Variants in ZNF268 observed in about 807,000 individuals in gnomAD.
The protein encoded by ZNF268 is zinc finger protein 3.
In ZNF268, 20 loss-of-function variants were observed where a neutral mutation model predicts 29.3. The ratio of observed to expected loss-of-function variants is 0.68; its 90% CI spans 0.48 to 0.99. ZNF268 has a LOEUF of 0.99. ZNF268 is among the 50% of genes least tolerant of loss of function. The pLI, the probability that ZNF268 is intolerant of heterozygous loss-of-function variation, is 0.00. For synonymous variants in ZNF268, 429 were observed against 376.9 expected, an observed-to-expected ratio of 1.14 and a Z score of -1.60; for missense variants, 1,240 against 1,121.6, an observed-to-expected ratio of 1.11 and a Z score of -1.51.
chr12:133,187,919 G>A lies in ZNF268; in HGVS notation c.81G>A (p.Lys27=), dbSNP rs1956364552. Residue 27 remains lysine, a synonymous_variant, in exon 3 of 6, where the codon AAG becomes AAA. Coordinates refer to ENST00000536435, the MANE Select transcript of ZNF268 (RefSeq NM_003415.3). Reference sequence around the variant, plus strand: ...ACAGTTCATGGGATAGGATCAGAAAGCTCCAAGGTCAGGAATCCATCTTGG... The same window carrying A: ...ACAGTTCATGGGATAGGATCAGAAAACTCCAAGGTCAGGAATCCATCTTGG... ...ERNSSWDRIR[K]LQGQESILGQ... is the part of the protein sequence containing the mutation. 1.2e-6 allele frequency: 2 copies of A among 1,600,914 alleles called. No homozygotes were observed. Among genetic ancestry groups the A allele is most frequent in the African/African-American group, 2.7e-5 (2 of 74,768 alleles).
intron 5 of ZNF268, chr12:133,193,552 C>T: frequency 3.1e-6 from 2 of 652,250 alleles, no homozygotes; most frequent in South Asian, 3.5e-5. Flanking sequence ...CACTGTGGGA[C>T]AGAAAGAGGG....
rs1044773378 is a variant in ZNF268, at chr12:133,209,897, C to T, written c.*5367C>T. 6 of 152,366 alleles carry T rather than the reference C, an allele frequency of 3.9e-5. No homozygotes were observed. Among genetic ancestry groups the T allele is most frequent in the African/African-American group, 1.4e-4 (6 of 41,572 alleles). The allele number at this position is 152,366 out of a possible 1,614,324, so 9.4% of individuals were successfully genotyped here. A position where few individuals can be genotyped will look rare whatever the true frequency, so the allele number is the denominator to read the frequency against. ...GGGTGATCCCACAGGTGCTGTTCAT[C>T]CCCAACTTTGACCTGGACTGTTGCA... is the stretch of plus-strand genomic sequence containing the variant. On this transcript the variant is annotated 3_prime_UTR_variant, in exon 6 of 6. Coordinates refer to ENST00000536435, the MANE Select transcript of ZNF268 (RefSeq NM_003415.3).
chr12:133,191,321 A>AC, intron 3 of ZNF268, 168 bp from the exon 4 acceptor site: 1 of 530,694 alleles, frequency 1.9e-6, no homozygotes, highest in Non-Finnish European at 2.9e-6. Flanking sequence ...TGTCTCAACA[A>AC]AAAAAAAAAA....
Position 133,205,483 on chromosome 12 carries a change from G to T in ZNF268, c.*953G>T, listed in dbSNP as rs987262481. 16 of 152,060 alleles carry T rather than the reference G, an allele frequency of 1.1e-4. No homozygotes were observed. The highest frequency in any genetic ancestry group is 2.4e-4 in the Non-Finnish European group (16 of 68,018). The allele number at this position is 152,060 out of a possible 1,614,324, so 9.4% of individuals were successfully genotyped here. ...TGTGAGACAAAAATCATCTTCCAGA[G>T]ATTTCAGTATCTCTGATACTGACAA... On this transcript the variant is annotated 3_prime_UTR_variant, in exon 6 of 6. Transcript: ENST00000536435.
In ZNF268 at chr12:133,212,504, T is replaced by TATATACACACACAC. The variant is rs1957000776; in HGVS notation, c.*7977_*7978insTACACACACACATA. On this transcript the variant is annotated 3_prime_UTR_variant, in exon 6 of 6. Transcript: ENST00000536435. Reference sequence around the variant, plus strand: ...ATATATATATATATATATATGTATATATACACACACACATACACACATATA... The same window carrying TATATACACACACAC: ...ATATATATATATATATATATGTATATATATACACACACACATACACACACACATACACACATATA... 1 of 32,554 alleles carries TATATACACACACAC rather than the reference T, an allele frequency of 3.1e-5. No homozygotes were observed. The highest frequency in any genetic ancestry group is 8.6e-5 in the African/African-American group (1 of 11,648). 2.0% of individuals were successfully genotyped at this position (32,554 alleles called of 1,614,324 possible).
At chr12:133,201,897 C>T (rs1046953852) in intron 5 of ZNF268, among the ~76,000 whole-genome samples, 3 of 152,008 alleles carry the variant, frequency 2.0e-5, no homozygotes, top group African/African-American at 7.2e-5. Context: ...TGCCTATCTT[C>T]AGTTTGGTTT....
At position 133,211,801 on chromosome 12, in the gene ZNF268, T is replaced by C. The variant is rs748524274; in HGVS notation, c.*7271T>C. ...ATAATAGTATAGCCACTTTGGAAGA[T>C]AGTTTGACTTTTCCCCAAAGCTAAA... On this transcript the variant is annotated 3_prime_UTR_variant, in exon 6 of 6. Transcript: ENST00000536435. 1 of 152,214 alleles carries C rather than the reference T, an allele frequency of 6.6e-6. No individual in the cohort carries two copies. Among genetic ancestry groups the C allele is most frequent in the Non-Finnish European group, 1.5e-5 (1 of 68,034 alleles). 9.4% of individuals were successfully genotyped at this position (152,214 alleles called of 1,614,324 possible). A position where few individuals can be genotyped will look rare whatever the true frequency, so the allele number is the denominator to read the frequency against.
chr12:133,200,827 T>G (rs972863823), intron 5 of ZNF268, among the ~76,000 whole-genome samples: 7 of 152,106 alleles, frequency 4.6e-5, no homozygotes, highest in African/African-American at 1.4e-4. Context: ...ATAACCAGCT[T>G]ATTCTGCTAG....
intron 2 of ZNF268, 117 bp downstream of exon 2, chr12:133,182,147 GCAA>G (rs1243839737): frequency 7.2e-5 from 70 of 966,060 alleles, no homozygotes; most frequent in Non-Finnish European, 1.0e-4. Flanking sequence ...GCTCTTTTAG[GCAA>G]CTGGATCGTC....
At chr12:133,196,634 C>A (rs1403334779) in intron 5 of ZNF268, among the ~76,000 whole-genome samples, 1 of 152,140 alleles carries the variant, frequency 6.6e-6, no homozygotes, top group Non-Finnish European at 1.5e-5. Context: ...TAGTGACAGT[C>A]AAACACAGGA....
At position 133,186,039 on chromosome 12, in the gene ZNF268, A is replaced by G. The variant is rs138954536; in HGVS notation, c.34-1833A>G. Among the ~76,000 whole-genome samples, 201 of 152,232 alleles carry G rather than the reference A, an allele frequency of 1.3e-3. 3 individuals are homozygous for G. Among genetic ancestry groups the G allele is most frequent in the Non-Finnish European group, 7.9e-4 (54 of 68,004 alleles). ...TTCTGTGCTAAATCATTTATTAGGT[A>G]TTATCACCTTAAAACTTCACAGTAG... On this transcript the variant is annotated intron_variant, in intron 2 of 5. Transcript: ENST00000536435.
rs1956795391 is a variant in ZNF268, at chr12:133,203,089, G to A, written c.1403G>A (p.Gly468Glu). 6.5e-7 allele frequency: 1 copy of A among 1,537,690 alleles called. No homozygotes were observed. Among genetic ancestry groups the A allele is most frequent in the South Asian group, 1.2e-5 (1 of 84,064 alleles). Residue 468 changes from glycine to glutamate, a missense_variant, in exon 6 of 6, where the codon GGA (glycine) becomes GAA (glutamate). Around this residue, in one of 3 missense-constraint regions of ZNF268, gnomAD observed 1,177 missense variants for 1,039.6 expected, o/e 1.13. Coordinates refer to ENST00000536435, the MANE Select transcript of ZNF268 (RefSeq NM_003415.3). ...ATTGTACATCAGGGGATTCACACAGGAGTAAAGCCCTATGGGTGTATTCAG... is the reference window on the plus strand; with the variant it reads ...ATTGTACATCAGGGGATTCACACAGAAGTAAAGCCCTATGGGTGTATTCAG... ...QLIVHQGIHT[G>E]VKPYGCIQCG...
In ZNF268 at chr12:133,204,872, A is replaced by G. The variant is rs1956861182; in HGVS notation, c.*342A>G. ...GATTCACAAAGAGGAAACTTCATGA[A>G]CCAGATGAATATAGAATAGACTTCT... On this transcript the variant is annotated 3_prime_UTR_variant, in exon 6 of 6. Transcript: ENST00000536435. 1 of 199,272 alleles carries G rather than the reference A, an allele frequency of 5.0e-6. No individual in the cohort carries two copies. Among genetic ancestry groups the G allele is most frequent in the South Asian group, 1.5e-4 (1 of 6,800 alleles). The allele number at this position is 199,272 out of a possible 1,614,324, so 12.3% of individuals were successfully genotyped here. A position where few individuals can be genotyped will look rare whatever the true frequency, so the allele number is the denominator to read the frequency against.
rs1364768668 is a variant in ZNF268 at position 133,182,022 on chromosome 12, TC to T, written c.26del (p.Ser9LeufsTer50). The T allele has an allele frequency of 6.4e-7, 1 of 1,563,958 alleles. No homozygotes were observed. The highest frequency in any genetic ancestry group is 1.9e-5 in the Admixed American group (1 of 52,252). The stretch of plus-strand genomic sequence containing the variant: ...GATGGCCACCAGGGTCCGGACAGCT[TC>T]TATTTGGGTGAGTAGGGGTTTTCTT... MATRVRTASIWVPPLQERN... is the reference protein window; with the variant it reads MATRVRTAXIWVPPLQERN... On this transcript the variant is annotated frameshift_variant, in exon 2 of 6. Transcript: ENST00000536435. LOFTEE classifies it high-confidence loss of function.
rs550334205 is a variant in ZNF268 at position 133,213,538 on chromosome 12, A to T, written c.*9008A>T. ...GTCTCTACTAAAAATAAAAAAAAAG[A>T]GAAAAAAAAAAGCCGGGTGTGGTGG... On this transcript the variant is annotated 3_prime_UTR_variant, in exon 6 of 6. Transcript: ENST00000536435. The T allele has an allele frequency of 2.2e-4, 31 of 138,370 alleles. No homozygotes were observed. The highest frequency in any genetic ancestry group is 7.7e-4 in the African/African-American group (30 of 38,808). 8.6% of individuals were successfully genotyped at this position (138,370 alleles called of 1,614,324 possible). A position where few individuals can be genotyped will look rare whatever the true frequency, so the allele number is the denominator to read the frequency against.
chr12:133,184,262 C>T (rs1417979328), intron 2 of ZNF268, among the ~76,000 whole-genome samples: 1 of 150,872 alleles, frequency 6.6e-6, no homozygotes, highest in Non-Finnish European at 1.5e-5. Context: ...CCACCACGCC[C>T]AGCTAATTTT....
intron 3 of ZNF268, among the ~76,000 whole-genome samples, chr12:133,190,388 G>C (rs1956435187): frequency 6.6e-6 from 1 of 152,174 alleles, no homozygotes; most frequent in Admixed American, 6.5e-5. Context: ...GGCTTCCAAA[G>C]TGACTCTACC....
chr12:133,194,919 A>G (rs1956558316), intron 5 of ZNF268, among the ~76,000 whole-genome samples: 1 of 131,878 alleles, frequency 7.6e-6, no homozygotes, highest in Non-Finnish European at 1.7e-5. Flanking sequence ...TTCTTGTACT[A>G]CATTAATACA....
rs577195995 is a variant in ZNF268 at position 133,209,135 on chromosome 12, G to A, written c.*4605G>A. On this transcript the variant is annotated 3_prime_UTR_variant, in exon 6 of 6. Coordinates refer to ENST00000536435, the MANE Select transcript of ZNF268 (RefSeq NM_003415.3). ...ATTTTTGTGTTTTTAGTAGAGATGGGGTTTCACCATGTTGGCCAGGCTGGT... is the reference window on the plus strand; with the variant it reads ...ATTTTTGTGTTTTTAGTAGAGATGGAGTTTCACCATGTTGGCCAGGCTGGT... 20 of 152,178 alleles carry A rather than the reference G, an allele frequency of 1.3e-4. No individual in the cohort carries two copies. The highest frequency in any genetic ancestry group is 4.8e-4 in the African/African-American group (20 of 41,506). The allele number at this position is 152,178 out of a possible 1,614,324, so 9.4% of individuals were successfully genotyped here. A position where few individuals can be genotyped will look rare whatever the true frequency, so the allele number is the denominator to read the frequency against.
Sources: gnomAD v4.1 joint callset for allele counts (sites outside exome capture counted in the v4.1 genomes callset) on GRCh38, gnomAD v4.1.1 for gene constraint, gnomAD v4.1.1 regional missense constraint, MANE v1.5 for transcripts, NCBI Gene and HGNC (gene_info 2026-07-23, HGNC 2026-07-21) for gene names.